Variants in ASIC2 observed in about 807,000 individuals in gnomAD.
ASIC2 encodes acid-sensing ion channel 2.
A neutral mutation model predicts 57.3 loss-of-function variants in ASIC2; 25 were observed. That is an observed-to-expected ratio of 0.44 (90% CI 0.32 to 0.61). The LOEUF is 0.61. ASIC2 is among the 20% of genes least tolerant of loss of function. ASIC2 has a pLI of 0.06. For missense variants in ASIC2, 641 were observed against 738.1 expected, an observed-to-expected ratio of 0.87 and a Z score of 1.52; for synonymous variants, 319 against 307.5, an observed-to-expected ratio of 1.04 and a Z score of -0.39.
intron 1 of ASIC2, among the ~76,000 whole-genome samples, chr17:33,559,874 C>G (rs1916019389): frequency 6.6e-6 from 1 of 152,130 alleles, no homozygotes; most frequent in South Asian, 2.1e-4. Flanking sequence ...CAAGAAATAA[C>G]ATTTTTGGCT....
intron 1 of ASIC2, among the ~76,000 whole-genome samples, chr17:33,255,548 C>A (rs965870786): frequency 1.4e-5 from 2 of 143,716 alleles, no homozygotes; most frequent in East Asian, 2.0e-4. Flanking sequence ...TGGAAATGTT[C>A]GCATCAGGCT....
chr17:34,113,286 T>C (rs1911330930), intron 1 of ASIC2, among the ~76,000 whole-genome samples: 1 of 152,066 alleles, frequency 6.6e-6, no homozygotes, highest in Non-Finnish European at 1.5e-5. Context: ...GTGTCAAGAA[T>C]AAAATGAGTC....
intron 1 of ASIC2, among the ~76,000 whole-genome samples, chr17:33,149,330 A>G (rs1351008412): frequency 6.6e-6 from 1 of 152,038 alleles, no homozygotes; most frequent in Non-Finnish European, 1.5e-5. Context: ...TGTGTTTTTT[A>G]TTTGGCATTA....
chr17:33,579,643 C>T lies in ASIC2; in HGVS notation c.556-467576G>A, dbSNP rs150758080. Among the ~76,000 whole-genome samples the T allele has an allele frequency of 6.3e-3, 962 of 151,924 alleles. 9 individuals are homozygous for T. Among genetic ancestry groups the T allele is most frequent in the African/African-American group, 0.018 (755 of 41,234 alleles). On this transcript the variant is annotated intron_variant, in intron 1 of 9. Transcript: ENST00000359872. The stretch of plus-strand genomic sequence containing the variant: ...AGGTGTTCAGCTGCGTCTGAAGTTT[C>T]TTCCTTCTGGTGGGCTCCTGGTCTG...
chr17:34,093,898 T>C (rs1910423122), intron 1 of ASIC2, among the ~76,000 whole-genome samples: 1 of 152,154 alleles, frequency 6.6e-6, no homozygotes, highest in Non-Finnish European at 1.5e-5. Context: ...TTTCCATTAG[T>C]TGGCCTGAGG....
intron 1 of ASIC2, among the ~76,000 whole-genome samples, chr17:33,797,528 T>C (rs1312098703): frequency 1.3e-5 from 2 of 152,224 alleles, no homozygotes; most frequent in Non-Finnish European, 2.9e-5. Flanking sequence ...TAGATTTCAG[T>C]CTAATTTTGT....
chr17:33,451,453 T>C (rs1912246137), intron 1 of ASIC2, among the ~76,000 whole-genome samples: 1 of 152,144 alleles, frequency 6.6e-6, no homozygotes, highest in Admixed American at 6.5e-5. Flanking sequence ...CCTTCCTCCC[T>C]GAAATCCTCT....
intron 1 of ASIC2, among the ~76,000 whole-genome samples, chr17:33,196,317 CGATGAT>C (rs142802377): frequency 1.5e-4 from 22 of 151,106 alleles, no homozygotes; most frequent in South Asian, 8.4e-4. Context: ...ATGATGATGA[CGATGAT>C]GATGATGATG....
intron 1 of ASIC2, among the ~76,000 whole-genome samples, chr17:33,841,123 T>C (rs548775460): frequency 3.3e-5 from 5 of 152,324 alleles, no homozygotes; most frequent in African/African-American, 1.2e-4. Context: ...GCTGTTCTGG[T>C]TTACCTGAGA....
At chr17:33,581,672 C>T (rs1479399882) in intron 1 of ASIC2, among the ~76,000 whole-genome samples, 3 of 152,118 alleles carry the variant, frequency 2.0e-5, no homozygotes, top group Non-Finnish European at 4.4e-5. Context: ...TGTTCAGATT[C>T]CTATTGGCTA....
chr17:33,224,558 G>A (rs1339449387), intron 1 of ASIC2, among the ~76,000 whole-genome samples: 6 of 152,174 alleles, frequency 3.9e-5, no homozygotes, highest in East Asian at 1.9e-4. Flanking sequence ...GATCAATATC[G>A]AATGAATGAA....
chr17:33,498,072 T>G (rs1449701293), intron 1 of ASIC2, among the ~76,000 whole-genome samples: 1 of 152,180 alleles, frequency 6.6e-6, no homozygotes, highest in Non-Finnish European at 1.5e-5. Context: ...GTGTGCTGTG[T>G]CTTTTGTCCA....
At chr17:33,157,796 G>A (rs1050842359) in intron 1 of ASIC2, among the ~76,000 whole-genome samples, 1 of 152,136 alleles carries the variant, frequency 6.6e-6, no homozygotes, top group South Asian at 2.1e-4. Flanking sequence ...ACGTTTCCCC[G>A]ACACTGCCCT....
At chr17:33,500,001 C>A (rs781659948) in intron 1 of ASIC2, among the ~76,000 whole-genome samples, 2 of 151,760 alleles carry the variant, frequency 1.3e-5, no homozygotes, top group African/African-American at 2.4e-5. Context: ...GGTAAGTTTT[C>A]TCTAATTTTT....
intron 1 of ASIC2, chr17:33,291,173 G>A (rs1423678714): frequency 1.2e-6 from 1 of 805,070 alleles, no homozygotes; most frequent in East Asian, 3.0e-5. Flanking sequence ...GGAAGGAGGG[G>A]CTGGGACAGG....
chr17:33,206,918 G>C (rs886262579), intron 1 of ASIC2, among the ~76,000 whole-genome samples: 1 of 152,130 alleles, frequency 6.6e-6, no homozygotes, highest in Non-Finnish European at 1.5e-5. Context: ...GAGAGCTCAC[G>C]GGATGGGGAG....
intron 1 of ASIC2, among the ~76,000 whole-genome samples, chr17:33,591,630 T>C (rs1443709367): frequency 6.6e-6 from 1 of 152,190 alleles, no homozygotes; most frequent in Admixed American, 6.5e-5. Flanking sequence ...AGAATTGTTC[T>C]CTGCTGGCCC....
intron 1 of ASIC2, among the ~76,000 whole-genome samples, chr17:33,556,483 C>T (rs1185034321): frequency 6.6e-6 from 1 of 152,206 alleles, no homozygotes; most frequent in African/African-American, 2.4e-5. Flanking sequence ...CAAGGAGCCA[C>T]TGGATGACAA....
intron 1 of ASIC2, among the ~76,000 whole-genome samples, chr17:33,982,406 T>A (rs541391078): frequency 6.6e-6 from 1 of 152,204 alleles, no homozygotes; most frequent in Non-Finnish European, 1.5e-5. Context: ...TTGTAACTTA[T>A]GCTGGTGGGC....
Sources: gnomAD v4.1 joint callset for allele counts (sites outside exome capture counted in the v4.1 genomes callset) on GRCh38, gnomAD v4.1.1 for gene constraint, MANE v1.5 for transcripts, NCBI Gene and HGNC (gene_info 2026-07-23, HGNC 2026-07-21) for gene names.